Variants in NAA50 observed in about 807,000 individuals in gnomAD.
NAA50 encodes N-alpha-acetyltransferase 50.
NAA50 carries 7 observed loss-of-function variants against 20.7 expected under a neutral mutation model. That is an observed-to-expected ratio of 0.34 (90% CI 0.19 to 0.63). The LOEUF is 0.63. Ranked by LOEUF, NAA50 falls within the 30% of genes least tolerant of loss-of-function variation. NAA50 has a pLI of 0.75. For synonymous variants in NAA50, 54 were observed against 70.6 expected, an observed-to-expected ratio of 0.77 and a Z score of 1.18; for missense variants, 111 against 199.1, an observed-to-expected ratio of 0.56 and a Z score of 2.66.
intron 3 of NAA50, 71 bp downstream of exon 3, chr3:113,723,351 C>A (rs3732793): frequency 0.34 from 475,970 of 1,415,180 alleles, 82,275 homozygotes; most frequent in East Asian, 0.38. Flanking sequence ...AATTAACTTA[C>A]TAGGTCAGAC....
At chr3:113,726,841 C>T (rs1708205705) in intron 1 of NAA50, among the ~76,000 whole-genome samples, 2 of 152,112 alleles carry the variant, frequency 1.3e-5, no homozygotes, top group South Asian at 4.1e-4. Context: ...GACAGGGTTG[C>T]TCTGTTGCCC....
chr3:113,744,680 T>C (rs1708465400), intron 1 of NAA50, among the ~76,000 whole-genome samples: 2 of 152,224 alleles, frequency 1.3e-5, no homozygotes. Context: ...GAATAGTTCA[T>C]GGTTCTTAAA....
At chr3:113,733,667 C>T (rs1422802862) in intron 1 of NAA50, among the ~76,000 whole-genome samples, 2 of 151,790 alleles carry the variant, frequency 1.3e-5, no homozygotes, top group Non-Finnish European at 2.9e-5. Context: ...GCCTGGCCAA[C>T]ATGGCGAAAC....
intron 1 of NAA50, among the ~76,000 whole-genome samples, chr3:113,740,565 G>T (rs896903461): frequency 6.6e-6 from 1 of 152,070 alleles, no homozygotes; most frequent in African/African-American, 2.4e-5. Flanking sequence ...TAGAGATGAG[G>T]TCTCACTATG....
chr3:113,735,358 T>C (rs759980459), intron 1 of NAA50, among the ~76,000 whole-genome samples: 4 of 152,204 alleles, frequency 2.6e-5, no homozygotes, highest in Non-Finnish European at 5.9e-5. Context: ...TAATTAAGCT[T>C]GTTATGTAAA....
intron 1 of NAA50, among the ~76,000 whole-genome samples, chr3:113,732,003 A>G (rs978900952): frequency 1.1e-4 from 16 of 152,282 alleles, no homozygotes; most frequent in African/African-American, 3.9e-4. Flanking sequence ...GCTAGGTTGT[A>G]TGACAAATAT....
At chr3:113,733,905 A>G (rs1301672935) in intron 1 of NAA50, among the ~76,000 whole-genome samples, 1 of 151,572 alleles carries the variant, frequency 6.6e-6, no homozygotes, top group East Asian at 1.9e-4. Context: ...ATTAAATATT[A>G]AAGTATTTAG....
At chr3:113,732,437 A>C (rs2107990266) in intron 1 of NAA50, among the ~76,000 whole-genome samples, 1 of 152,244 alleles carries the variant, frequency 6.6e-6, no homozygotes, top group South Asian at 2.1e-4. Context: ...AATTACCACA[A>C]ACTCAGTGGC....
chr3:113,721,660 G>A lies in NAA50; in HGVS notation c.*100C>T. ...AAAGAAAAACAAGAACAAGGAGGGA[G>A]AAAAGCTTTAAAAGAAAAGTGTTGG... On this transcript the variant is annotated 3_prime_UTR_variant, in exon 5 of 5. Coordinates refer to ENST00000240922, the MANE Select transcript of NAA50 (RefSeq NM_025146.4). 1 of 1,265,914 alleles carries A rather than the reference G, an allele frequency of 7.9e-7. No individual in the cohort carries two copies. The highest frequency in any genetic ancestry group is 1.3e-5 in the South Asian group (1 of 77,436). 78.4% of individuals were successfully genotyped at this position (1,265,914 alleles called of 1,614,324 possible).
Position 113,720,568 on chromosome 3 carries a change from A to G in NAA50, c.*1192T>C, listed in dbSNP as rs1285497528. 6.6e-6 allele frequency: 1 copy of G among 152,642 alleles called. No homozygotes were observed. Among genetic ancestry groups the G allele is most frequent in the Non-Finnish European group, 1.5e-5 (1 of 68,024 alleles). The allele number at this position is 152,642 out of a possible 1,614,324, so 9.5% of individuals were successfully genotyped here. On this transcript the variant is annotated 3_prime_UTR_variant, in exon 5 of 5. Transcript: ENST00000240922. ...CATTTTACACTTCTATTTTTCCAAGAATAGAAGCAATATGTTTAATAATTA... is the reference window on the plus strand; with the variant it reads ...CATTTTACACTTCTATTTTTCCAAGGATAGAAGCAATATGTTTAATAATTA...
At chr3:113,724,802 C>T (rs185241614) in intron 1 of NAA50, among the ~76,000 whole-genome samples, 15 of 152,278 alleles carry the variant, frequency 9.9e-5, no homozygotes, top group Non-Finnish European at 1.8e-4. Context: ...TCATGCTGTT[C>T]TCGTGATAGT....
At chr3:113,733,669 TG>T (rs1368977801) in intron 1 of NAA50, among the ~76,000 whole-genome samples, 2 of 151,680 alleles carry the variant, frequency 1.3e-5, no homozygotes, top group Admixed American at 1.3e-4. Flanking sequence ...CTGGCCAACA[TG>T]GCGAAACCCC....
At chr3:113,733,003 T>C (rs937936911) in intron 1 of NAA50, among the ~76,000 whole-genome samples, 14 of 152,026 alleles carry the variant, frequency 9.2e-5, no homozygotes, top group South Asian at 4.1e-4. Context: ...TATGTTTTTG[T>C]ATGGCTATTA....
chr3:113,735,728 G>C (rs998482118), intron 1 of NAA50, among the ~76,000 whole-genome samples: 3 of 152,202 alleles, frequency 2.0e-5, no homozygotes, highest in African/African-American at 7.2e-5. Flanking sequence ...CAGAAGCTCA[G>C]GCTAGAGTGC....
intron 1 of NAA50, among the ~76,000 whole-genome samples, chr3:113,743,338 C>G (rs1708442573): frequency 6.6e-6 from 1 of 152,148 alleles, no homozygotes; most frequent in Admixed American, 6.6e-5. Context: ...TTACTTACCT[C>G]AATATACAAT....
chr3:113,722,955 G>C lies in NAA50; in HGVS notation c.283C>G (p.His95Asp). The stretch of plus-strand genomic sequence containing the variant: ...TCTTTTTCACAGATGTTTAAGACAT[G>C]ATTTAACATTTTAGTTCCTGTTAAT... Reference protein sequence around the residue: ...RLGIGTKMLNHVLNICEKDGT... With the variant: ...RLGIGTKMLNDVLNICEKDGT... Residue 95 changes from histidine to aspartate, a missense_variant, in exon 4 of 5, where the codon CAT becomes GAT. By Grantham distance (81) the His-to-Asp change is moderately conservative. Transcript: ENST00000240922. 1 of 1,537,826 alleles carries C rather than the reference G, an allele frequency of 6.5e-7. No individual in the cohort carries two copies. Among genetic ancestry groups the C allele is most frequent in the Non-Finnish European group, 8.8e-7 (1 of 1,133,468 alleles).
At chr3:113,736,041 A>G (rs188126739) in intron 1 of NAA50, among the ~76,000 whole-genome samples, 1 of 152,316 alleles carries the variant, frequency 6.6e-6, no homozygotes, top group Non-Finnish European at 1.5e-5. Context: ...CGATGCTAAT[A>G]TTTAAATGAA....
chr3:113,733,989 T>C (rs1032260513), intron 1 of NAA50, among the ~76,000 whole-genome samples: 2 of 151,474 alleles, frequency 1.3e-5, no homozygotes, highest in African/African-American at 2.4e-5. Flanking sequence ...GGGAAAAGTA[T>C]AGGTCAAACA....
chr3:113,723,481 T>G lies in NAA50; in HGVS notation c.206A>C (p.Gln69Pro). ...TAGTGTCATGATGTAAAGTCTCTTC[T>G]GATTCTGTGAATGATCCACCCTACA... is the stretch of plus-strand genomic sequence containing the variant. ...VCCRVDHSQN[Q>P]KRLYIMTLGC... is the part of the protein sequence containing the mutation. The change falls in exon 3 of 5, where the codon CAG (glutamine) becomes CCG (proline). Residue 69 changes from glutamine to proline, a missense_variant. Transcript: ENST00000240922. The G allele has an allele frequency of 6.2e-7, 1 of 1,613,278 alleles. No individual in the cohort carries two copies. Among genetic ancestry groups the G allele is most frequent in the Non-Finnish European group, 8.5e-7 (1 of 1,179,550 alleles).
Sources: allele counts gnomAD v4.1 joint callset (sites outside exome capture counted in the v4.1 genomes callset), GRCh38; gene constraint gnomAD v4.1.1; transcripts MANE v1.5; gene names NCBI Gene and HGNC (gene_info 2026-07-23, HGNC 2026-07-21).